PCDH18: variants seen among roughly 807,000 people sequenced by gnomAD.
PCDH18 encodes protocadherin-18.
PCDH18 carries 38 observed loss-of-function variants against 71.5 expected under a neutral mutation model. The observed-to-expected ratio is 0.53, with a 90% CI of 0.41 to 0.70. The LOEUF is 0.70. Among genes scored for constraint, PCDH18 ranks in the 30% least tolerant of loss-of-function variants. The probability of loss-of-function intolerance (pLI) is 0.00; values close to 1 mark genes in which losing one functional copy is unlikely to be tolerated. For synonymous variants in PCDH18, 565 were observed against 505.4 expected, an observed-to-expected ratio of 1.12 and a Z score of -1.58; for missense variants, 1,334 against 1,384.6, an observed-to-expected ratio of 0.96 and a Z score of 0.58.
chr4:137,522,997 A>G (rs777442710), intron 3 of PCDH18, among the ~76,000 whole-genome samples: 1 of 152,160 alleles, frequency 6.6e-6, no homozygotes, highest in Non-Finnish European at 1.5e-5. Flanking sequence ...AATCTTTGAG[A>G]TAATTCTGTT....
chr4:137,531,108 T>C lies in PCDH18; in HGVS notation c.981A>G (p.Gln327=). 1 of 1,613,908 alleles carries C rather than the reference T, an allele frequency of 6.2e-7. No homozygotes were observed. Among genetic ancestry groups the C allele is most frequent in the Non-Finnish European group, 8.5e-7 (1 of 1,179,812 alleles). ...CTGGGATTGAATTTGGACCCAAATC[T>C]TGAGCCTGAACATCAATCTCATAGG... The part of the protein sequence containing the change: ...TKSYEIDVQA[Q]DLGPNSIPAH... Residue 327 remains glutamine (Q), a synonymous_variant, in exon 1 of 4, where the codon CAA becomes CAG. Transcript: ENST00000344876.
intron 3 of PCDH18, among the ~76,000 whole-genome samples, chr4:137,524,785 A>T (rs796785776): frequency 1.3e-5 from 2 of 152,324 alleles, no homozygotes; most frequent in African/African-American, 4.8e-5. Context: ...AGAGTTAAGT[A>T]TTGATTTTGA....
rs1731226149 is a variant in PCDH18, at chr4:137,519,451, C to G, written c.*1578G>C. The stretch of plus-strand genomic sequence containing the variant: ...TTCAAGCAATTATTGCTTGCTTACT[C>G]TTTTTTCTTTATTCCCCAAATGCAT... On this transcript the variant is annotated 3_prime_UTR_variant, in exon 4 of 4. Transcript: ENST00000344876. 6.6e-6 allele frequency: 1 copy of G among 152,002 alleles called. No individual in the cohort carries two copies. Among genetic ancestry groups the G allele is most frequent in the Non-Finnish European group, 1.5e-5 (1 of 67,962 alleles). The allele number at this position is 152,002 out of a possible 1,614,324, so 9.4% of individuals were successfully genotyped here.
Position 137,531,023 on chromosome 4 carries a change from T to C in PCDH18, c.1066A>G (p.Ile356Val), listed in dbSNP as rs1272018213. The C allele has an allele frequency of 2.5e-6, 4 of 1,610,236 alleles. No individual in the cohort carries two copies. The highest frequency in any genetic ancestry group is 1.1e-5 in the South Asian group (1 of 90,738). ...TCTTTTCCAGGGGACATGAGGTTGA[T>C]GTTAATTTCAGGTTTATTGTCATTA... is the stretch of plus-strand genomic sequence containing the variant. ...DVNDNKPEIN[I>V]NLMSPGKEEI... Residue 356 changes from isoleucine to valine, a missense_variant, in exon 1 of 4, where the codon ATC (isoleucine) becomes GTC (valine). This residue lies in a region of PCDH18 where 1,011 missense variants were observed against 1,048.0 expected (regional missense o/e 0.96). Coordinates refer to ENST00000344876, the MANE Select transcript of PCDH18 (RefSeq NM_019035.5).
In PCDH18 at chr4:137,530,488, T is replaced by G. The variant is rs762444822; in HGVS notation, c.1601A>C (p.Asp534Ala). The part of the protein sequence containing the change: ...NGAIYALRIF[D>A]HEEVSQITFV... ...AGTGATCTGACTCACTTCTTCATGA[T>G]CAAAGATTCTGAGGGCATAGATGGC... Residue 534 changes from aspartate to alanine, a missense_variant, in exon 1 of 4, where the codon GAT becomes GCT. Physicochemically the swap from Asp to Ala is moderately radical, Grantham distance 126. Transcript: ENST00000344876. 1.2e-6 allele frequency: 2 copies of G among 1,614,088 alleles called. No individual in the cohort carries two copies. The highest frequency in any genetic ancestry group is 1.7e-6 in the Non-Finnish European group (2 of 1,179,986).
intron 3 of PCDH18, among the ~76,000 whole-genome samples, chr4:137,526,953 A>C (rs939921167): frequency 1.5e-5 from 2 of 136,106 alleles, no homozygotes; most frequent in Admixed American, 7.5e-5. Flanking sequence ...TCAGTTTCCA[A>C]ATCTTAAAAA....
Position 137,532,294 on chromosome 4 carries a change from T to C in PCDH18, c.-206A>G, listed in dbSNP as rs1286731486. 3 of 703,304 alleles carry C rather than the reference T, an allele frequency of 4.3e-6. No individual in the cohort carries two copies. The East Asian group carries it at 8.1e-5, about 19-fold the overall frequency. The allele number at this position is 703,304 out of a possible 1,614,324, so 43.6% of individuals were successfully genotyped here. A position where few individuals can be genotyped will look rare whatever the true frequency, so the allele number is the denominator to read the frequency against. The stretch of plus-strand genomic sequence containing the variant: ...CAGATACCTTCGGCATGGAGTCCAG[T>C]CCTTGCGTTTGTTTGGTCGTTCGTC... On this transcript the variant is annotated 5_prime_UTR_variant, in exon 1 of 4. Coordinates refer to ENST00000344876, the MANE Select transcript of PCDH18 (RefSeq NM_019035.5).
rs755471100 is a variant in PCDH18, at chr4:137,531,473, G to A, written c.616C>T (p.Arg206Trp). 1.9e-6 allele frequency: 3 copies of A among 1,613,788 alleles called. No homozygotes were observed. Among genetic ancestry groups the A allele is most frequent in the African/African-American group, 2.7e-5 (2 of 74,876 alleles). ...AELIVVRELD[R>W]ELKSSYELQL... ...AGCTCGTAGCTTGACTTCAGCTCCCGATCTAACTCTCTGACCACTATGAGT... is the reference window on the plus strand; with the variant it reads ...AGCTCGTAGCTTGACTTCAGCTCCCAATCTAACTCTCTGACCACTATGAGT... Residue 206 changes from arginine to tryptophan, a missense_variant, in exon 1 of 4, where the codon CGG becomes TGG. Transcript: ENST00000344876.
In PCDH18 at chr4:137,530,466, G is replaced by T; in HGVS notation, c.1623C>A (p.Ile541=). The T allele has an allele frequency of 6.2e-7, 1 of 1,614,072 alleles. No homozygotes were observed. Among genetic ancestry groups the T allele is most frequent in the Non-Finnish European group, 8.5e-7 (1 of 1,180,006 alleles). ...RIFDHEEVSQ[I]TFVVEARDGG... ...CATCTCTTGCTTCTACCACAAAAGT[G>T]ATCTGACTCACTTCTTCATGATCAA... Residue 541 remains isoleucine, a synonymous_variant, in exon 1 of 4, where the codon ATC becomes ATA. Coordinates refer to ENST00000344876, the MANE Select transcript of PCDH18 (RefSeq NM_019035.5).
chr4:137,526,408 A>G (rs1332025551), intron 3 of PCDH18, among the ~76,000 whole-genome samples: 2 of 152,170 alleles, frequency 1.3e-5, no homozygotes, highest in Non-Finnish European at 2.9e-5. Context: ...ATCAAGGATT[A>G]ATACTCAAAA....
chr4:137,530,437 C>G lies in PCDH18; in HGVS notation c.1652G>C (p.Gly551Ala), dbSNP rs757492033. The change falls in exon 1 of 4, where the codon GGA becomes GCA. Residue 551 changes from glycine to alanine, a missense_variant. Gly to Ala is a moderately conservative substitution (Grantham distance 60). Transcript: ENST00000344876. ...ATTGCTTACCAGTTGCTTCGGGCTT[C>G]CTCCATCTCTTGCTTCTACCACAAA... is the stretch of plus-strand genomic sequence containing the variant. ...ITFVVEARDG[G>A]SPKQLVSNTT... The G allele has an allele frequency of 6.2e-7, 1 of 1,614,086 alleles. No homozygotes were observed. The highest frequency in any genetic ancestry group is 8.5e-7 in the Non-Finnish European group (1 of 1,179,980).
chr4:137,529,148 C>A, intron 1 of PCDH18: 1 of 333,328 alleles, frequency 3.0e-6, no homozygotes, highest in Non-Finnish European at 5.5e-6. Context: ...CTGTAAAATA[C>A]AACACTGCAA....
chr4:137,521,094 G>A lies in PCDH18; in HGVS notation c.3343C>T (p.Leu1115Phe). The change falls in exon 4 of 4, where the codon CTC becomes TTC. Residue 1115 changes from leucine (L) to phenylalanine (F), a missense_variant. Physicochemically the swap from Leu to Phe is conservative, Grantham distance 22. This residue lies in a region of PCDH18 where 319 missense variants were observed against 316.3 expected (regional missense o/e 1.01). Transcript: ENST00000344876. Reference sequence around the variant, plus strand: ...GCCACCAGTTCACTGGCATCCATGAGTTCGTGTTTCCCATCATTGAGGTGG... The same window carrying A: ...GCCACCAGTTCACTGGCATCCATGAATTCGTGTTTCCCATCATTGAGGTGG... ...LNHLNDGKHE[L>F]MDASELVAEI... The A allele has an allele frequency of 6.2e-7, 1 of 1,613,730 alleles. No homozygotes were observed. Among genetic ancestry groups the A allele is most frequent in the Non-Finnish European group, 8.5e-7 (1 of 1,179,672 alleles).
At chr4:137,527,018 GC>G (rs1263692082) in intron 3 of PCDH18, among the ~76,000 whole-genome samples, 1 of 149,984 alleles carries the variant, frequency 6.7e-6, no homozygotes, top group African/African-American at 2.5e-5. Context: ...ACTAATTCCT[GC>G]CAAAGCCTTA....
Position 137,531,449 on chromosome 4 carries a change from G to T in PCDH18, c.640C>A (p.Leu214Ile). ...CCCATGTCTGAGGCAGTGAGCTGAA[G>T]CTCGTAGCTTGACTTCAGCTCCCGA... ...LDRELKSSYE[L>I]QLTASDMGVP... Residue 214 changes from leucine to isoleucine, a missense_variant, in exon 1 of 4, where the codon CTT (leucine) becomes ATT (isoleucine). Physicochemically the swap from Leu to Ile is conservative, Grantham distance 5 (BLOSUM62 2). Transcript: ENST00000344876. 6.2e-7 allele frequency: 1 copy of T among 1,613,792 alleles called. No homozygotes were observed. Among genetic ancestry groups the T allele is most frequent in the Non-Finnish European group, 8.5e-7 (1 of 1,179,886 alleles).
In PCDH18 at chr4:137,530,175, G is replaced by T. The variant is rs1425640927; in HGVS notation, c.1914C>A (p.Ile638=). 1 of 1,613,546 alleles carries T rather than the reference G, an allele frequency of 6.2e-7. No individual in the cohort carries two copies. The highest frequency in any genetic ancestry group is 8.5e-7 in the Non-Finnish European group (1 of 1,179,718). Residue 638 remains isoleucine, a synonymous_variant, in exon 1 of 4, where the codon ATC becomes ATA. Coordinates refer to ENST00000344876, the MANE Select transcript of PCDH18 (RefSeq NM_019035.5). ...CAGAATCCATGCTAACGTTGGTATG[G>T]ATGTCACATGATCGTGGATCAATTA... is the stretch of plus-strand genomic sequence containing the variant. ...IFIIDPRSCD[I]HTNVSMDSVP... is the part of the protein sequence containing the mutation.
At chr4:137,527,092 T>C (rs527331019) in intron 3 of PCDH18, among the ~76,000 whole-genome samples, 44 of 152,178 alleles carry the variant, frequency 2.9e-4, no homozygotes, top group African/African-American at 1.1e-3. Context: ...GCATAGTTGG[T>C]AACTACTATT....
Position 137,520,972 on chromosome 4 carries a change from T to C in PCDH18, c.*57A>G, listed in dbSNP as rs1731271652. The C allele has an allele frequency of 2.2e-5, 27 of 1,237,804 alleles. No individual in the cohort carries two copies. The South Asian group carries it at 2.2e-4, about 10-fold the overall frequency. The allele number at this position is 1,237,804 out of a possible 1,614,324, so 76.7% of individuals were successfully genotyped here. A position where few individuals can be genotyped will look rare whatever the true frequency, so the allele number is the denominator to read the frequency against. On this transcript the variant is annotated 3_prime_UTR_variant, in exon 4 of 4. Transcript: ENST00000344876. Reference sequence around the variant, plus strand: ...CCAGTTCTTTCAGGGTTTTTTGTTGTTGTTGTTGTTCCCTATTTCCATATA... The same window carrying C: ...CCAGTTCTTTCAGGGTTTTTTGTTGCTGTTGTTGTTCCCTATTTCCATATA...
chr4:137,527,076 C>T (rs1423671748), intron 3 of PCDH18, among the ~76,000 whole-genome samples: 1 of 151,814 alleles, frequency 6.6e-6, no homozygotes, highest in Admixed American at 6.6e-5. Flanking sequence ...TGGAGTAAAC[C>T]TGGGGGCATA....
Sources: gnomAD v4.1 joint callset for allele counts (sites outside exome capture counted in the v4.1 genomes callset) on GRCh38, gnomAD v4.1.1 for gene constraint, gnomAD v4.1.1 regional missense constraint, MANE v1.5 for transcripts, NCBI Gene and HGNC (gene_info 2026-07-23, HGNC 2026-07-21) for gene names.